SIM1: variants seen among roughly 807,000 people sequenced by gnomAD.
SIM1 encodes SIM bHLH transcription factor 1, also known as single-minded homolog 1.
SIM1 carries 18 observed loss-of-function variants against 78.2 expected under a neutral mutation model. The observed-to-expected ratio is 0.23, with a 90% CI of 0.16 to 0.34. The LOEUF (loss-of-function observed/expected upper bound fraction) is 0.34, where lower values mean the gene tolerates loss of function less well. SIM1 is among the 10% of genes least tolerant of loss of function. The pLI, the probability that SIM1 is intolerant of heterozygous loss-of-function variation, is 1.00. For missense variants in SIM1, 939 were observed against 975.1 expected (o/e 0.96, Z 0.49); for synonymous variants, 417 against 385.2 (o/e 1.08, Z -0.97).
intron 10 of SIM1, among the ~76,000 whole-genome samples, chr6:100,405,733 C>A (rs1582613566): frequency 6.6e-6 from 1 of 151,988 alleles, no homozygotes; most frequent in African/African-American, 2.4e-5. Flanking sequence ...ATCCACCCCA[C>A]CCCCCAAAAA....
chr6:100,454,080 G>C (rs1042499282), intron 2 of SIM1, among the ~76,000 whole-genome samples: 3 of 152,188 alleles, frequency 2.0e-5, no homozygotes, highest in South Asian at 4.1e-4. Context: ...TCAGGCCAAG[G>C]GCCCCCTGGT....
chr6:100,416,276 C>T (rs750771689), intron 10 of SIM1, among the ~76,000 whole-genome samples: 1 of 151,328 alleles, frequency 6.6e-6, no homozygotes, highest in Non-Finnish European at 1.5e-5. Context: ...TAGCAAATTA[C>T]AATTTGTGCA....
chr6:100,428,307 TAGAA>T (rs774109001), intron 9 of SIM1, among the ~76,000 whole-genome samples: 13 of 152,186 alleles, frequency 8.5e-5, no homozygotes, highest in Admixed American at 4.6e-4. Flanking sequence ...TTGAAGGAGT[TAGAA>T]AGATAGTGTT....
At position 100,449,445 on chromosome 6, in the gene SIM1, T is replaced by C; in HGVS notation, c.461A>G (p.Tyr154Cys). ...QPYHSHFVQEYEIERSFFLRM... is the reference protein window; with the variant it reads ...QPYHSHFVQECEIERSFFLRM... ...CAGGAAGAAGGAGCGCTCGATCTCA[T>C]ACTCTGGGAGAGAGGAACGAAGGGA... The change falls in exon 6 of 12, where the codon TAT becomes TGT. Residue 154 changes from tyrosine to cysteine, a missense_variant. Physicochemically the swap from Tyr to Cys is radical, Grantham distance 194 (BLOSUM62 -2). Around this residue, in one of 5 missense-constraint regions of SIM1, gnomAD observed 187 missense variants for 191.6 expected, o/e 0.98. Transcript: ENST00000369208. 1.2e-6 allele frequency: 2 copies of C among 1,613,616 alleles called. No homozygotes were observed. The highest frequency in any genetic ancestry group is 1.7e-5 in the Admixed American group (1 of 60,020).
At chr6:100,412,311 T>C (rs1582619320) in intron 10 of SIM1, among the ~76,000 whole-genome samples, 1 of 151,586 alleles carries the variant, frequency 6.6e-6, no homozygotes, top group South Asian at 2.1e-4. Context: ...CCGAAGCGGG[T>C]GGATCACCTG....
chr6:100,411,278 T>G (rs1292921618), intron 10 of SIM1, among the ~76,000 whole-genome samples: 4 of 152,194 alleles, frequency 2.6e-5, no homozygotes, highest in African/African-American at 9.7e-5. Flanking sequence ...AGCTGTCACA[T>G]ATTTTCATTT....
At chr6:100,417,233 T>G (rs1771427044) in intron 10 of SIM1, among the ~76,000 whole-genome samples, 1 of 152,156 alleles carries the variant, frequency 6.6e-6, no homozygotes, top group Admixed American at 6.5e-5. Context: ...TCACAACACT[T>G]TCCTCAGCTA....
At chr6:100,421,021 T>C (rs2114504617) in intron 9 of SIM1, 63 bp from the exon 10 acceptor site, 1 of 1,507,640 alleles carries the variant, frequency 6.6e-7, no homozygotes, top group South Asian at 1.2e-5. Flanking sequence ...ATGCATACTC[T>C]CATCAGGAAT....
chr6:100,406,674 C>A (rs1279185314), intron 10 of SIM1, among the ~76,000 whole-genome samples: 1 of 152,044 alleles, frequency 6.6e-6, no homozygotes, highest in South Asian at 2.1e-4. Flanking sequence ...ACATCAGAAC[C>A]TTTGCCTCAA....
At chr6:100,436,371 A>T (rs923243513) in intron 9 of SIM1, among the ~76,000 whole-genome samples, 1 of 152,240 alleles carries the variant, frequency 6.6e-6, no homozygotes, top group African/African-American at 2.4e-5. Context: ...CTTAAAGGCC[A>T]CTAGTCCTAA....
chr6:100,422,154 AT>A (rs1290329481), intron 9 of SIM1, among the ~76,000 whole-genome samples: 5 of 152,076 alleles, frequency 3.3e-5, no homozygotes, highest in African/African-American at 1.2e-4. Context: ...GCCTTTTAAA[AT>A]TTTTTACATG....
At chr6:100,418,388 A>AAAT (rs1337041597) in intron 10 of SIM1, among the ~76,000 whole-genome samples, 41 of 148,320 alleles carry the variant, frequency 2.8e-4, no homozygotes, top group Non-Finnish European at 4.0e-4. Context: ...ATAAATAAAT[A>AAAT]AAATAAAAAA....
chr6:100,416,395 G>T (rs1771401854), intron 10 of SIM1, among the ~76,000 whole-genome samples: 1 of 152,078 alleles, frequency 6.6e-6, no homozygotes, highest in Non-Finnish European at 1.5e-5. Flanking sequence ...ACATATTAGA[G>T]CAAAAAGCCT....
At chr6:100,450,696 T>TCACACACACA (rs112151329) in intron 3 of SIM1, among the ~76,000 whole-genome samples, 48 of 91,926 alleles carry the variant, frequency 5.2e-4, no homozygotes, top group African/African-American at 1.1e-3. Context: ...TCTCTCTCTC[T>TCACACACACA]CACACACACA....
At chr6:100,437,959 T>C (rs889894043) in intron 9 of SIM1, among the ~76,000 whole-genome samples, 1 of 152,038 alleles carries the variant, frequency 6.6e-6, no homozygotes, top group Admixed American at 6.6e-5. Flanking sequence ...TGTACAAAAA[T>C]CAACTCAAGA....
intron 9 of SIM1, among the ~76,000 whole-genome samples, chr6:100,428,386 A>G (rs1157609584): frequency 2.0e-5 from 3 of 152,210 alleles, no homozygotes; most frequent in Non-Finnish European, 4.4e-5. Context: ...CAATAGAAAA[A>G]TAAGAAAAAG....
intron 9 of SIM1, among the ~76,000 whole-genome samples, chr6:100,435,994 T>TCA (rs3836990): frequency 0.26 from 39,733 of 150,454 alleles, 5,437 homozygotes; most frequent in East Asian, 0.4. Flanking sequence ...ACCATACACA[T>TCA]CACACACACA....
chr6:100,457,662 C>T (rs1582326787), intron 2 of SIM1, among the ~76,000 whole-genome samples: 1 of 152,242 alleles, frequency 6.6e-6, no homozygotes, highest in African/African-American at 2.4e-5. Context: ...ATTGGTGCAA[C>T]CAGCCCGAAT....
intron 10 of SIM1, among the ~76,000 whole-genome samples, chr6:100,398,961 A>G (rs9386129): frequency 3.5e-4 from 40 of 113,364 alleles, no homozygotes; most frequent in African/African-American, 9.1e-4. Context: ...GTGTGTGTGT[A>G]TGTGTAGTAG....
Sources: gnomAD v4.1 joint callset for allele counts (sites outside exome capture counted in the v4.1 genomes callset) on GRCh38, gnomAD v4.1.1 for gene constraint, gnomAD v4.1.1 regional missense constraint, MANE v1.5 for transcripts, NCBI Gene and HGNC (gene_info 2026-07-23, HGNC 2026-07-21) for gene names.